The following MCTP1 variants were observed in gnomAD, a reference collection of about 807,000 sequenced individuals.
MCTP1 encodes multiple C2 and transmembrane domain containing 1.
Under a neutral mutation model 120.6 loss-of-function variants are expected in MCTP1, and 69 were observed. The observed-to-expected ratio is 0.57, with a 90% confidence interval of 0.47 to 0.70. The LOEUF (loss-of-function observed/expected upper bound fraction) is 0.70, where lower values mean the gene tolerates loss of function less well. Ranked by LOEUF, MCTP1 falls within the 30% of genes least tolerant of loss-of-function variation. The pLI, the probability that MCTP1 is intolerant of heterozygous loss-of-function variation, is 0.00. For missense variants in MCTP1, 1,203 were observed against 1,248.8 expected (o/e 0.96, Z 0.55); for synonymous variants, 529 against 493.1 (o/e 1.07, Z -0.96).
At chr5:95,198,415 C>T (rs1750629781) in intron 1 of MCTP1, among the ~76,000 whole-genome samples, 1 of 152,142 alleles carries the variant, frequency 6.6e-6, no homozygotes, top group East Asian at 1.9e-4. Context: ...ACTTTTAGTA[C>T]AGAATTAAAT....
At chr5:95,203,062 T>C (rs1057434074) in intron 1 of MCTP1, among the ~76,000 whole-genome samples, 1 of 152,186 alleles carries the variant, frequency 6.6e-6, no homozygotes, top group African/African-American at 2.4e-5. Context: ...GTAAAAATTT[T>C]CTTCTACTCT....
rs1201147169 is a variant in MCTP1, at chr5:94,929,649, C to G, written c.1212+2304G>C. The G allele has an allele frequency of 4.1e-6, 4 of 984,650 alleles. No individual in the cohort carries two copies. The Admixed American group carries it at 2.5e-4, about 61-fold the overall frequency. The allele number at this position is 984,650 out of a possible 1,614,324, so 61.0% of individuals were successfully genotyped here. A position where few individuals can be genotyped will look rare whatever the true frequency, so the allele number is the denominator to read the frequency against. ...TTACCCCTTAGTTTCCCAGGAAGCA[C>G]AATTTACCGGAGGAAAAGATTCAGG... On this transcript the variant is annotated intron_variant, in intron 6 of 22. Coordinates refer to ENST00000515393, the MANE Select transcript of MCTP1 (RefSeq NM_024717.7).
chr5:94,834,585 G>A (rs967363310), intron 17 of MCTP1, among the ~76,000 whole-genome samples: 5 of 152,026 alleles, frequency 3.3e-5, no homozygotes, highest in African/African-American at 4.8e-5. Flanking sequence ...ATTTTCAGAC[G>A]AGGAGGAAAT....
chr5:94,973,618 A>G (rs1827395071), intron 2 of MCTP1, among the ~76,000 whole-genome samples: 2 of 152,168 alleles, frequency 1.3e-5, no homozygotes, highest in Admixed American at 1.3e-4. Context: ...TGTATGAATG[A>G]CATACATTAC....
chr5:94,857,465 T>A (rs538177618), intron 17 of MCTP1, among the ~76,000 whole-genome samples: 52 of 151,832 alleles, frequency 3.4e-4, no homozygotes, highest in African/African-American at 1.1e-3. Flanking sequence ...CTTCAGTGCC[T>A]TTGGAGAGCC....
intron 19 of MCTP1, among the ~76,000 whole-genome samples, chr5:94,774,954 T>C (rs1439772451): frequency 1.3e-5 from 2 of 152,178 alleles, no homozygotes; most frequent in African/African-American, 4.8e-5. Context: ...CCCCTCATAG[T>C]TCGTTTGAGA....
intron 17 of MCTP1, among the ~76,000 whole-genome samples, chr5:94,799,568 A>G (rs1422805162): frequency 2.0e-5 from 3 of 152,162 alleles, no homozygotes; most frequent in Admixed American, 6.6e-5. Flanking sequence ...AATACAATGT[A>G]ACAAGCTTAA....
chr5:94,749,421 A>C (rs1767705393), intron 19 of MCTP1, among the ~76,000 whole-genome samples: 1 of 152,106 alleles, frequency 6.6e-6, no homozygotes, highest in Non-Finnish European at 1.5e-5. Flanking sequence ...TTGGGGGGCC[A>C]AGGTAGACAG....
intron 12 of MCTP1, among the ~76,000 whole-genome samples, chr5:94,883,171 A>T (rs1302599845): frequency 6.6e-6 from 1 of 152,198 alleles, no homozygotes; most frequent in Non-Finnish European, 1.5e-5. Context: ...TAAGGAAAAG[A>T]TTTATATAGT....
intron 2 of MCTP1, among the ~76,000 whole-genome samples, chr5:95,013,094 A>C (rs1213399679): frequency 6.6e-6 from 1 of 152,140 alleles, no homozygotes; most frequent in Non-Finnish European, 1.5e-5. Context: ...GCTGATATAG[A>C]GAAAGTGGGT....
intron 1 of MCTP1, among the ~76,000 whole-genome samples, chr5:95,093,194 T>C (rs1405255946): frequency 6.6e-6 from 1 of 152,154 alleles, no homozygotes; most frequent in Non-Finnish European, 1.5e-5. Context: ...TTGGTTATTG[T>C]TGTTGTTTTT....
chr5:95,221,469 C>T (rs1382505893), intron 1 of MCTP1, among the ~76,000 whole-genome samples: 1 of 152,108 alleles, frequency 6.6e-6, no homozygotes, highest in Non-Finnish European at 1.5e-5. Flanking sequence ...TTGCAGGTGG[C>T]TTTGAGTTTG....
chr5:95,009,056 A>AAGAGAGAGAGAGAGAGAGAGAG (rs201724037), intron 2 of MCTP1, among the ~76,000 whole-genome samples: 1 of 129,470 alleles, frequency 7.7e-6, no homozygotes, highest in African/African-American at 3.5e-5. Flanking sequence ...GAGAGGGAGA[A>AAGAGAGAGAGAGAGAGAGAGAG]AGAGAGAGAG....
At chr5:95,077,763 C>T (rs985170882) in intron 1 of MCTP1, among the ~76,000 whole-genome samples, 7 of 152,128 alleles carry the variant, frequency 4.6e-5, no homozygotes, top group African/African-American at 1.4e-4. Context: ...TGAGCCACTG[C>T]GCCTGGCCAG....
At position 94,856,596 on chromosome 5, in the gene MCTP1, T is replaced by TA. The variant is rs139390919; in HGVS notation, c.2436+11736dup. 1.0e-3 allele frequency among the ~76,000 whole-genome samples: 156 copies of TA among 148,750 alleles called. 1 individual carries two copies. The highest frequency in any genetic ancestry group is 3.1e-3 in the African/African-American group (125 of 40,642). ...TCAGACTTGGTTTAGGAAGACTGTG[T>TA]AAAAAAAAAATAATTACAGCAGCAA... is the stretch of plus-strand genomic sequence containing the variant. On this transcript the variant is annotated intron_variant, in intron 17 of 22. Transcript: ENST00000515393.
rs114832271 is a variant in MCTP1, at chr5:95,258,001, T to G, written c.720+25855A>C. 7.4e-3 allele frequency among the ~76,000 whole-genome samples: 1,123 copies of G among 152,344 alleles called. 15 individuals are homozygous for G. The highest frequency in any genetic ancestry group is 0.025 in the African/African-American group (1,059 of 41,578). The stretch of plus-strand genomic sequence containing the variant: ...TATAAATATATGATTGAATAAATAA[T>G]GGGAGAGAATAGACAACTCTGTGCT... On this transcript the variant is annotated intron_variant, in intron 1 of 22. Coordinates refer to ENST00000515393, the MANE Select transcript of MCTP1 (RefSeq NM_024717.7).
intron 1 of MCTP1, among the ~76,000 whole-genome samples, chr5:95,176,144 G>C: frequency 6.6e-6 from 1 of 152,094 alleles, no homozygotes; most frequent in East Asian, 1.9e-4. Context: ...AACTATCTTT[G>C]TTATTCTAAT....
At chr5:94,801,271 G>A (rs1179143381) in intron 17 of MCTP1, among the ~76,000 whole-genome samples, 1 of 152,208 alleles carries the variant, frequency 6.6e-6, no homozygotes, top group Non-Finnish European at 1.5e-5. Flanking sequence ...AATATTTACT[G>A]AATTAATGGA....
chr5:95,089,515 T>C (rs1755686984), intron 1 of MCTP1, among the ~76,000 whole-genome samples: 1 of 152,212 alleles, frequency 6.6e-6, no homozygotes, highest in Non-Finnish European at 1.5e-5. Flanking sequence ...TGGAATTGAT[T>C]GGGTAAAAAT....
Sources: allele counts gnomAD v4.1 joint callset (sites outside exome capture counted in the v4.1 genomes callset), GRCh38; gene constraint gnomAD v4.1.1; transcripts MANE v1.5; gene names NCBI Gene and HGNC (gene_info 2026-07-23, HGNC 2026-07-21).